CGRRF1: variants seen among roughly 807,000 people sequenced by gnomAD.
The protein encoded by CGRRF1 is cell growth regulator with ring finger domain 1.
A neutral mutation model predicts 37.2 loss-of-function variants in CGRRF1; 32 were observed. The observed-to-expected ratio is 0.86, with a 90% confidence interval of 0.65 to 1.16. The LOEUF (loss-of-function observed/expected upper bound fraction) is 1.16. CGRRF1 is among the 50% of genes most tolerant of loss of function. The pLI is 0.00. For missense variants in CGRRF1, 391 were observed against 382.6 expected, an observed-to-expected ratio of 1.02 and a Z score of -0.18; for synonymous variants, 141 against 140.3, an observed-to-expected ratio of 1.00 and a Z score of -0.04.
intron 4 of CGRRF1, among the ~76,000 whole-genome samples, chr14:54,535,149 A>T (rs940843380): frequency 6.6e-5 from 10 of 152,248 alleles, no homozygotes; most frequent in African/African-American, 2.4e-4. Flanking sequence ...AAAAATAAGG[A>T]TGCTTTCTTA....
chr14:54,530,932 A>G lies in CGRRF1; in HGVS notation c.452A>G (p.Tyr151Cys). 6.3e-7 allele frequency: 1 copy of G among 1,594,620 alleles called. No homozygotes were observed. The highest frequency in any genetic ancestry group is 8.6e-7 in the Non-Finnish European group (1 of 1,162,550). Residue 151 changes from tyrosine (Y) to cysteine (C), a missense_variant, in exon 4 of 6, where the codon TAT (tyrosine) becomes TGT (cysteine). By Grantham distance (194) the Tyr-to-Cys change is radical (BLOSUM62 -2). Transcript: ENST00000216420. The stretch of plus-strand genomic sequence containing the variant: ...AAAAAGGATAGCAAAGAAGAAATAT[A>G]TTGCCAGTTACCAAGAGATACTAAA... ...FIKKDSKEEI[Y>C]CQLPRDTKIE...
At position 54,530,166 on chromosome 14, in the gene CGRRF1, G is replaced by A; in HGVS notation, c.362G>A (p.Ser121Asn). 2 of 1,613,486 alleles carry A rather than the reference G, an allele frequency of 1.2e-6. No individual in the cohort carries two copies. The highest frequency in any genetic ancestry group is 1.7e-6 in the Non-Finnish European group (2 of 1,179,518). Residue 121 changes from serine (S) to asparagine (N), a missense_variant, in exon 3 of 6, where the codon AGC (serine) becomes AAC (asparagine). Coordinates refer to ENST00000216420, the MANE Select transcript of CGRRF1 (RefSeq NM_006568.3). ...LQKHVYCFRI[S>N]TPQALEDALY... The stretch of plus-strand genomic sequence containing the variant: ...AAGCATGTTTATTGCTTCAGAATAA[G>A]CACTCCCCAAGCATTAGAAGATGCT...
At chr14:54,518,267 C>A (rs2032249781) in intron 1 of CGRRF1, among the ~76,000 whole-genome samples, 2 of 152,030 alleles carry the variant, frequency 1.3e-5, no homozygotes, top group South Asian at 4.1e-4. Context: ...TCTTTTAGGC[C>A]AGGCGCAGTG....
intron 1 of CGRRF1, among the ~76,000 whole-genome samples, chr14:54,517,813 C>T (rs1388301218): frequency 6.6e-6 from 1 of 152,170 alleles, no homozygotes; most frequent in Non-Finnish European, 1.5e-5. Context: ...TGTGTTGTTT[C>T]CCCTCCATGT....
chr14:54,515,090 G>GTTTTTT (rs935043483), intron 1 of CGRRF1, among the ~76,000 whole-genome samples: 1 of 124,174 alleles, frequency 8.1e-6, no homozygotes, highest in African/African-American at 3.0e-5. Context: ...TGAGTTTTTT[G>GTTTTTT]TTTTTTTTTT....
At chr14:54,531,952 G>A (rs76481724) in intron 4 of CGRRF1, among the ~76,000 whole-genome samples, 13,140 of 152,062 alleles carry the variant, frequency 0.086, 632 homozygotes, top group African/African-American at 0.11. Context: ...TGTGATATTC[G>A]TAATATGCAA....
chr14:54,530,742 G>A (rs766282961), intron 3 of CGRRF1, 161 bp from the exon 4 acceptor site: 114 of 838,058 alleles, frequency 1.4e-4, no homozygotes, highest in African/African-American at 6.0e-4. Flanking sequence ...TGGAGTGAAT[G>A]TCTCTATCAG....
chr14:54,537,931 C>T (rs2032625396), intron 5 of CGRRF1, 102 bp downstream of exon 5: 15 of 1,497,854 alleles, frequency 1.0e-5, no homozygotes, highest in Non-Finnish European at 1.3e-5. Flanking sequence ...TTAATAATTA[C>T]AGAAGATAAC....
intron 4 of CGRRF1, chr14:54,537,058 C>T (rs1341958016): frequency 1.3e-5 from 2 of 151,958 alleles, no homozygotes; most frequent in African/African-American, 2.4e-5. Flanking sequence ...ATCCAATTGT[C>T]CCAATACTGT....
At chr14:54,534,279 C>T (rs1293324090) in intron 4 of CGRRF1, among the ~76,000 whole-genome samples, 2 of 152,024 alleles carry the variant, frequency 1.3e-5, no homozygotes, top group East Asian at 1.9e-4. Context: ...CACGCACCAC[C>T]ACGCCCAGTT....
intron 1 of CGRRF1, among the ~76,000 whole-genome samples, chr14:54,514,366 G>A (rs556897309): frequency 1.2e-4 from 18 of 152,254 alleles, no homozygotes; most frequent in East Asian, 9.6e-4. Context: ...CATCTAAAGC[G>A]TTAACTCATA....
rs1349338134 is a variant in CGRRF1, at chr14:54,539,069, T to C, written c.*686T>C. 1.3e-5 allele frequency: 2 copies of C among 152,184 alleles called. No homozygotes were observed. The highest frequency in any genetic ancestry group is 2.4e-5 in the African/African-American group (1 of 41,446). The allele number at this position is 152,184 out of a possible 1,614,324, so 9.4% of individuals were successfully genotyped here. ...TTTTTGGATAATTAAATTTATTAAA[T>C]TGATAGTCAAGTGTGATTAGATTAG... On this transcript the variant is annotated 3_prime_UTR_variant, in exon 6 of 6. Coordinates refer to ENST00000216420, the MANE Select transcript of CGRRF1 (RefSeq NM_006568.3).
intron 4 of CGRRF1, 155 bp downstream of exon 4, chr14:54,531,205 A>G (rs982565049): frequency 5.6e-5 from 33 of 590,534 alleles, no homozygotes; most frequent in Non-Finnish European, 9.2e-5. Context: ...TATGTGAAAC[A>G]GTACCTTCAG....
At chr14:54,510,320 A>G (rs1450473158) in intron 1 of CGRRF1, 21 of 509,012 alleles carry the variant, frequency 4.1e-5, no homozygotes, top group South Asian at 4.1e-4. Flanking sequence ...TGTTTTACTC[A>G]GCTTTGTTTC....
intron 2 of CGRRF1, among the ~76,000 whole-genome samples, chr14:54,524,830 T>G (rs2032386456): frequency 6.6e-6 from 1 of 152,216 alleles, no homozygotes; most frequent in South Asian, 2.1e-4. Context: ...CTGATATTTT[T>G]TACTTGAGAA....
chr14:54,522,511 A>C lies in CGRRF1; in HGVS notation c.162A>C (p.Thr54=), dbSNP rs1195768357. 5.0e-6 allele frequency: 8 copies of C among 1,609,790 alleles called. No homozygotes were observed. In the Admixed American group the frequency reaches 1.4e-4, roughly 27 times the overall value. ...LRNSEETQFS[T]RVFKKQMRQV... is the part of the protein sequence containing the mutation. ...ATTCAGAAGAGACCCAGTTCAGCAC[A>C]AGAGTTTTCAAAAAGCAAATGAGAC... The change falls in exon 2 of 6, where the codon ACA becomes ACC. Residue 54 remains threonine (T), a synonymous_variant. Coordinates refer to ENST00000216420, the MANE Select transcript of CGRRF1 (RefSeq NM_006568.3).
In CGRRF1 at chr14:54,510,465, C is replaced by T. The variant is rs917893131; in HGVS notation, c.104+402C>T. ...AGTTAGTCACCTGTGCTACAGTGCA[C>T]AGACTGGACAGTAAGCGAGGTTAAC... On this transcript the variant is annotated intron_variant, in intron 1 of 5. Coordinates refer to ENST00000216420, the MANE Select transcript of CGRRF1 (RefSeq NM_006568.3). Among the ~76,000 whole-genome samples, 3 of 152,296 alleles carry T rather than the reference C, an allele frequency of 2.0e-5. No homozygotes were observed. The East Asian group carries it at 5.8e-4, about 29-fold the overall frequency.
At position 54,531,039 on chromosome 14, in the gene CGRRF1, A is replaced by C. The variant is rs965893524; in HGVS notation, c.559A>C (p.Ile187Leu). 6.2e-7 allele frequency: 1 copy of C among 1,608,344 alleles called. No homozygotes were observed. Among genetic ancestry groups the C allele is most frequent in the African/African-American group, 1.3e-5 (1 of 74,630 alleles). ...CTTAGCTGATGAGGATGACCGGGAA[A>C]TTTATGATATTGTAAGTAATTGAAA... ...LTLADEDDRE[I>L]YDIISMVSVI... Residue 187 changes from isoleucine (I) to leucine (L), a missense_variant, in exon 4 of 6, where the codon ATT becomes CTT. By Grantham distance (5) the Ile-to-Leu change is conservative (BLOSUM62 2). Coordinates refer to ENST00000216420, the MANE Select transcript of CGRRF1 (RefSeq NM_006568.3).
intron 2 of CGRRF1, among the ~76,000 whole-genome samples, chr14:54,528,932 G>A (rs1489916260): frequency 6.6e-6 from 1 of 152,168 alleles, no homozygotes; most frequent in Non-Finnish European, 1.5e-5. Flanking sequence ...ATCCTGTGGA[G>A]CATCTGCTTG....
Sources: gnomAD v4.1 joint callset for allele counts (sites outside exome capture counted in the v4.1 genomes callset) on GRCh38, gnomAD v4.1.1 for gene constraint, MANE v1.5 for transcripts, NCBI Gene and HGNC (gene_info 2026-07-23, HGNC 2026-07-21) for gene names.